The following CD8B2 variants were observed in gnomAD, a reference collection of about 807,000 sequenced individuals.
CD8B2 encodes CD8B family member 2.
A neutral mutation model predicts 23.7 loss-of-function variants in CD8B2; 11 were observed. That is an observed-to-expected ratio of 0.46 (90% CI 0.29 to 0.77). The LOEUF is 0.77. Ranked by LOEUF, CD8B2 falls within the 30% of genes least tolerant of loss-of-function variation. CD8B2 has a pLI of 0.09. For missense variants in CD8B2, 197 were observed against 270.5 expected (o/e 0.73, Z 1.91); for synonymous variants, 90 against 109.3 (o/e 0.82, Z 1.10).
At chr2:106,532,528 A>G (rs185750515) in intron 5 of CD8B2, among the ~76,000 whole-genome samples, 1 of 152,242 alleles carries the variant, frequency 6.6e-6, no homozygotes, top group Admixed American at 6.5e-5. Context: ...GCTGCTCCAT[A>G]GGCAGAGTAG....
In CD8B2 at chr2:106,510,043, T is replaced by A. The variant is rs1223768458; in HGVS notation, c.*3103T>A. 1 of 152,172 alleles carries A rather than the reference T, an allele frequency of 6.6e-6. No homozygotes were observed. The highest frequency in any genetic ancestry group is 1.5e-5 in the Non-Finnish European group (1 of 68,030). 9.4% of individuals were successfully genotyped at this position (152,172 alleles called of 1,614,324 possible). On this transcript the variant is annotated 3_prime_UTR_variant, in exon 6 of 6. Coordinates refer to ENST00000643224, the MANE Select transcript of CD8B2 (RefSeq NM_001349727.2). ...TAGATCCATATATGCTGATATCAAA[T>A]GATGGTCATGACAAATGCATATATT...
chr2:106,522,120 C>A (rs1019342950), intron 5 of CD8B2: 1 of 152,194 alleles, frequency 6.6e-6, no homozygotes, highest in African/African-American at 2.4e-5. Flanking sequence ...GGATCTCACT[C>A]GCTTGTTTCT....
intron 5 of CD8B2, among the ~76,000 whole-genome samples, chr2:106,530,939 T>C (rs1262626382): frequency 6.6e-6 from 1 of 152,196 alleles, no homozygotes; most frequent in East Asian, 1.9e-4. Context: ...AGGGGAGGCA[T>C]GAATAATCTA....
chr2:106,504,672 A>G (rs537309773), intron 5 of CD8B2, among the ~76,000 whole-genome samples: 3 of 152,342 alleles, frequency 2.0e-5, no homozygotes, highest in African/African-American at 7.2e-5. Flanking sequence ...AACCTGACCA[A>G]TAAGTTAAAT....
At chr2:106,539,031 G>A (rs942733201) in intron 5 of CD8B2, among the ~76,000 whole-genome samples, 1 of 152,188 alleles carries the variant, frequency 6.6e-6, no homozygotes, top group African/African-American at 2.4e-5. Context: ...TGTGCTGGCT[G>A]AACTTCTGAC....
In CD8B2 at chr2:106,529,269, G is replaced by A. The variant is rs1172724418; in HGVS notation, c.621-14723G>A. ...GCAGGAAAGACTCCAAAGGGAAAGG[G>A]AATCTGGGGCTGGCTCTCCAGCCTG... On this transcript the variant is annotated intron_variant, in intron 5 of 5. Transcript: ENST00000416057. 2.0e-5 allele frequency among the ~76,000 whole-genome samples: 3 copies of A among 152,336 alleles called. No homozygotes were observed. The East Asian group carries it at 5.8e-4, about 29-fold the overall frequency.
chr2:106,520,848 C>T (rs971624818), intron 5 of CD8B2, among the ~76,000 whole-genome samples: 1 of 151,816 alleles, frequency 6.6e-6, no homozygotes, highest in African/African-American at 2.4e-5. Flanking sequence ...CCAGCCTGGG[C>T]GAGAGCGTGA....
At chr2:106,526,984 A>G (rs1373520740) in intron 5 of CD8B2, among the ~76,000 whole-genome samples, 2 of 152,150 alleles carry the variant, frequency 1.3e-5, no homozygotes, top group African/African-American at 4.8e-5. Flanking sequence ...ATTGATGGAC[A>G]TTTGGATTAT....
chr2:106,520,763 G>A (rs946250463), intron 5 of CD8B2, among the ~76,000 whole-genome samples: 1 of 152,060 alleles, frequency 6.6e-6, no homozygotes, highest in Non-Finnish European at 1.5e-5. Context: ...CCAGCTACTC[G>A]GGAGGCTGAG....
intron 3 of CD8B2, among the ~76,000 whole-genome samples, chr2:106,500,639 A>G (rs1236712528): frequency 6.6e-6 from 1 of 151,952 alleles, no homozygotes; most frequent in Non-Finnish European, 1.5e-5. Context: ...ATATGTATTC[A>G]GTAAAAATTC....
Position 106,507,030 on chromosome 2 carries a change from A to G in CD8B2, c.*90A>G. 6.7e-7 allele frequency: 1 copy of G among 1,497,280 alleles called. No homozygotes were observed. Among genetic ancestry groups the G allele is most frequent in the South Asian group, 1.4e-5 (1 of 72,220 alleles). The allele number at this position is 1,497,280 out of a possible 1,614,324, so 92.7% of individuals were successfully genotyped here. On this transcript the variant is annotated 3_prime_UTR_variant, in exon 6 of 6. Coordinates refer to ENST00000643224, the MANE Select transcript of CD8B2 (RefSeq NM_001349727.2). ...AAAAATGAGAGAAGGGACACATTCA[A>G]CCCTGGAGAGTTCAATGGCTGCTGA...
At chr2:106,501,714 A>G (rs965563374) in intron 3 of CD8B2, among the ~76,000 whole-genome samples, 2 of 152,112 alleles carry the variant, frequency 1.3e-5, no homozygotes, top group African/African-American at 4.8e-5. Flanking sequence ...AACAAACCCT[A>G]TATGTATCTA....
intron 5 of CD8B2, among the ~76,000 whole-genome samples, chr2:106,538,989 A>T (rs1680132724): frequency 6.6e-6 from 1 of 152,204 alleles, no homozygotes; most frequent in South Asian, 2.1e-4. Flanking sequence ...GTGACACATG[A>T]GGACTTCAGA....
chr2:106,494,971 C>A lies in CD8B2; in HGVS notation c.404-1202C>A, dbSNP rs1679270089. On this transcript the variant is annotated intron_variant, in intron 2 of 5. Transcript: ENST00000643224. ...CTACATGCAGAAAAGGGCACCCCCT[C>A]CTTCCATGAGCTTCCTCCATGTGCT... Among the ~76,000 whole-genome samples, 4 of 152,188 alleles carry A rather than the reference C, an allele frequency of 2.6e-5. No individual in the cohort carries two copies. The South Asian group carries it at 6.2e-4, about 24-fold the overall frequency.
intron 5 of CD8B2, among the ~76,000 whole-genome samples, chr2:106,519,604 C>T (rs1679789543): frequency 6.6e-6 from 1 of 152,158 alleles, no homozygotes; most frequent in Admixed American, 6.5e-5. Context: ...ATGCTCTGAA[C>T]TTACACCCCA....
intron 5 of CD8B2, chr2:106,535,488 G>A (rs949785029): frequency 6.6e-6 from 1 of 152,024 alleles, no homozygotes; most frequent in Non-Finnish European, 1.5e-5. Flanking sequence ...GATGGATGAG[G>A]CTCCTACCAG....
At chr2:106,530,644 G>A (rs1679979587) in intron 5 of CD8B2, among the ~76,000 whole-genome samples, 1 of 152,126 alleles carries the variant, frequency 6.6e-6, no homozygotes, top group African/African-American at 2.4e-5. Flanking sequence ...CTCCCAAAGT[G>A]CTTGAATAGG....
At chr2:106,538,796 C>A (rs558519900) in intron 5 of CD8B2, among the ~76,000 whole-genome samples, 91 of 152,226 alleles carry the variant, frequency 6.0e-4, no homozygotes, top group African/African-American at 2.1e-3. Flanking sequence ...ATGCTCTCCA[C>A]CCACCCACCC....
At chr2:106,516,553 A>G (rs1358163386) in intron 5 of CD8B2, among the ~76,000 whole-genome samples, 2 of 152,224 alleles carry the variant, frequency 1.3e-5, no homozygotes, top group African/African-American at 4.8e-5. Context: ...CTGTCAAATA[A>G]ATAGAAAGAT....
Sources: allele counts gnomAD v4.1 joint callset (sites outside exome capture counted in the v4.1 genomes callset), GRCh38; gene constraint gnomAD v4.1.1; transcripts MANE v1.5; gene names NCBI Gene and HGNC (gene_info 2026-07-23, HGNC 2026-07-21).